The following KLRG1 variants were observed in gnomAD, a reference collection of about 807,000 sequenced individuals.
KLRG1 encodes the protein killer cell lectin like receptor G1.
In KLRG1, 16 loss-of-function variants were observed where a neutral mutation model predicts 21.8. The ratio of observed to expected loss-of-function variants is 0.73; its 90% CI spans 0.50 to 1.11. KLRG1 has a LOEUF of 1.11. KLRG1 is among the 50% of genes most tolerant of loss of function. KLRG1 has a pLI of 0.00. For missense variants in KLRG1, 173 were observed against 218.3 expected, an observed-to-expected ratio of 0.79 and a Z score of 1.31; for synonymous variants, 69 against 75.9, an observed-to-expected ratio of 0.91 and a Z score of 0.47.
At chr12:9,098,606 C>T in the KLRG1 span, 1 of 1,595,022 alleles carries the variant, frequency 6.3e-7, no homozygotes. Context: ...CAGGAACTCA[C>T]CGAGGACGCC....
chr12:9,009,608 G>T lies in KLRG1; in HGVS notation c.*71G>T. ...AAAAGGAGGGAGCTGGCCACTGGCT[G>T]TTGGGAAAGCCATGAGTATATAGTT... On this transcript the variant is annotated 3_prime_UTR_variant, in exon 5 of 5. Coordinates refer to ENST00000356986, the MANE Select transcript of KLRG1 (RefSeq NM_005810.4). 6.3e-7 allele frequency: 1 copy of T among 1,578,250 alleles called. No individual in the cohort carries two copies. Among genetic ancestry groups the T allele is most frequent in the Non-Finnish European group, 8.6e-7 (1 of 1,163,250 alleles).
At chr12:9,076,249 T>C in the KLRG1 span, among the ~76,000 whole-genome samples, 1 of 152,250 alleles carries the variant, frequency 6.6e-6, no homozygotes, top group Non-Finnish European at 1.5e-5. Context: ...AGTACTTTTA[T>C]AGGATTTGCT....
the KLRG1 span, chr12:9,201,370 A>G: frequency 1.3e-6 from 2 of 1,545,008 alleles, no homozygotes; most frequent in Non-Finnish European, 8.9e-7. Context: ...AGGAAAGAAG[A>G]GATGTGATTA....
At chr12:9,194,320 T>C in the KLRG1 span, 20 of 1,353,210 alleles carry the variant, frequency 1.5e-5, no homozygotes, top group African/African-American at 1.8e-4. Flanking sequence ...CTTTTGCTGC[T>C]ATAACTAAAA....
the KLRG1 span, among the ~76,000 whole-genome samples, chr12:9,183,087 G>A: frequency 6.6e-6 from 1 of 152,172 alleles, no homozygotes; most frequent in Non-Finnish European, 1.5e-5. Context: ...TAGAATTGTA[G>A]AAGAACTATA....
the KLRG1 span, among the ~76,000 whole-genome samples, chr12:9,024,663 G>A: frequency 6.6e-6 from 1 of 152,082 alleles, no homozygotes; most frequent in South Asian, 2.1e-4. Flanking sequence ...GTATAAATTT[G>A]GGTGCCTATT....
chr12:8,995,196 T>G lies in KLRG1; in HGVS notation c.265T>G (p.Phe89Val). The G allele has an allele frequency of 6.2e-7, 1 of 1,613,884 alleles. No homozygotes were observed. Among genetic ancestry groups the G allele is most frequent in the Non-Finnish European group, 8.5e-7 (1 of 1,179,854 alleles). ...WMKYGNHCYY[F>V]SVEEKDWNSS... ...GAAATATGGTAACCATTGTTATTATTTCTCAGTGGAGGAAAAGGACTGGAA... is the reference window on the plus strand; with the variant it reads ...GAAATATGGTAACCATTGTTATTATGTCTCAGTGGAGGAAAAGGACTGGAA... Residue 89 changes from phenylalanine to valine, a missense_variant, in exon 3 of 5, where the codon TTC becomes GTC. By Grantham distance (50) the Phe-to-Val change is conservative. Transcript: ENST00000356986.
chr12:9,066,661 A>G, the KLRG1 span: 1 of 152,232 alleles, frequency 6.6e-6, no homozygotes, highest in Non-Finnish European at 1.5e-5. Context: ...CACCCTAAAG[A>G]TCCCATAATG....
the KLRG1 span, among the ~76,000 whole-genome samples, chr12:9,094,353 A>C: frequency 1.4e-5 from 2 of 143,082 alleles, no homozygotes; most frequent in Non-Finnish European, 3.0e-5. Flanking sequence ...ATATATATAT[A>C]TATATATATA....
the KLRG1 span, chr12:9,196,834 T>G: frequency 6.3e-6 from 5 of 797,362 alleles, no homozygotes; most frequent in South Asian, 8.5e-5. Context: ...ATATCTGCTT[T>G]GTAACCTCCA....
chr12:9,135,527 G>C, the KLRG1 span: 3 of 354,932 alleles, frequency 8.5e-6, no homozygotes, highest in Admixed American at 8.2e-5. Flanking sequence ...TGAATAAACT[G>C]TAAGGACGAA....
chr12:8,994,594 TA>T (rs1947074328), intron 2 of KLRG1, among the ~76,000 whole-genome samples: 1 of 152,218 alleles, frequency 6.6e-6, no homozygotes, highest in East Asian at 1.9e-4. Context: ...TCTGTGATAA[TA>T]AAAAAGCAAA....
Position 9,009,053 on chromosome 12 carries a change from G to A in KLRG1, c.436G>A (p.Gly146Arg). 6.2e-7 allele frequency: 1 copy of A among 1,612,838 alleles called. No homozygotes were observed. The highest frequency in any genetic ancestry group is 8.5e-7 in the Non-Finnish European group (1 of 1,179,190). The change falls in exon 4 of 5, where the codon GGA becomes AGA. Residue 146 changes from glycine (G) to arginine (R), a missense_variant. This residue lies in a region of KLRG1 where 3 missense variants were observed against 19.9 expected (regional missense o/e 0.15). Transcript: ENST00000356986. Reference sequence around the variant, plus strand: ...CAATTCTGGCTGGAGGTGGGAAGATGGATCACCTCTAAACTTCTCAAGGTA... The same window carrying A: ...CAATTCTGGCTGGAGGTGGGAAGATAGATCACCTCTAAACTTCTCAAGGTA... ...RNNSGWRWED[G>R]SPLNFSRISS...
chr12:9,104,503 G>A, the KLRG1 span: 6 of 1,250,496 alleles, frequency 4.8e-6, no homozygotes, highest in Non-Finnish European at 4.4e-6. Flanking sequence ...GTTGAACATG[G>A]TTCCAGGCAC....
chr12:9,176,225 C>T, the KLRG1 span, among the ~76,000 whole-genome samples: 1 of 152,282 alleles, frequency 6.6e-6, no homozygotes, highest in South Asian at 2.1e-4. Flanking sequence ...CTAAACACTA[C>T]ATGTTCTCAC....
chr12:9,196,213 G>T, the KLRG1 span: 1 of 604,958 alleles, frequency 1.7e-6, no homozygotes, highest in Admixed American at 3.2e-5. Flanking sequence ...TTGGTTTCAT[G>T]GTTTTTGGTC....
At chr12:9,037,168 C>A in the KLRG1 span, 1 of 155,838 alleles carries the variant, frequency 6.4e-6, no homozygotes. Flanking sequence ...CTTGCACTTT[C>A]TGCTCTGCTA....
the KLRG1 span, among the ~76,000 whole-genome samples, chr12:9,176,624 C>T: frequency 4.6e-4 from 70 of 152,316 alleles, no homozygotes; most frequent in African/African-American, 1.6e-3. Flanking sequence ...TTCAAGAACC[C>T]ACAGGGCAGG....
the KLRG1 span, among the ~76,000 whole-genome samples, chr12:9,114,565 C>T: frequency 1.5e-4 from 22 of 151,672 alleles, no homozygotes; most frequent in African/African-American, 5.3e-4. Context: ...CTTCTTTTTT[C>T]CTTTTTGAAT....
Sources: allele counts gnomAD v4.1 joint callset (sites outside exome capture counted in the v4.1 genomes callset), GRCh38; gene constraint gnomAD v4.1.1; regional missense constraint gnomAD v4.1.1; transcripts MANE v1.5; gene names NCBI Gene and HGNC (gene_info 2026-07-23, HGNC 2026-07-21).